Variants in SKP2 observed in about 807,000 individuals in gnomAD.
SKP2 encodes S-phase kinase associated protein 2.
A neutral mutation model predicts 51.8 loss-of-function variants in SKP2; 16 were observed. The ratio of observed to expected loss-of-function variants is 0.31; its 90% confidence interval spans 0.21 to 0.47. The LOEUF (loss-of-function observed/expected upper bound fraction) is 0.47. Among genes scored for constraint, SKP2 ranks in the 20% least tolerant of loss-of-function variants. SKP2 has a pLI of 1.00. For synonymous variants in SKP2, 176 were observed against 198.6 expected, an observed-to-expected ratio of 0.89 and a Z score of 0.96; for missense variants, 377 against 505.3, an observed-to-expected ratio of 0.75 and a Z score of 2.43.
chr5:36,173,320 A>G (rs1452206340), intron 7 of SKP2, among the ~76,000 whole-genome samples: 1 of 152,194 alleles, frequency 6.6e-6, no homozygotes, highest in African/African-American at 2.4e-5. Flanking sequence ...AGATTCTTAA[A>G]AGTGGAATTG....
At chr5:36,188,424 G>A (rs1177907610), downstream of SKP2, among the ~76,000 whole-genome samples, 2 of 152,218 alleles carry the variant, frequency 1.3e-5, no homozygotes, top group Admixed American at 6.5e-5. Flanking sequence ...GGGCAGGCCT[G>A]GTGGCGAGAA....
chr5:36,154,501 G>A (rs1273503010), intron 2 of SKP2, among the ~76,000 whole-genome samples: 1 of 152,170 alleles, frequency 6.6e-6, no homozygotes, highest in Non-Finnish European at 1.5e-5. Flanking sequence ...AGACTCAGCT[G>A]CAGGGGCATC....
intron 9 of SKP2, chr5:36,180,184 C>T (rs1279982277): frequency 5.7e-6 from 5 of 872,446 alleles, no homozygotes; most frequent in Non-Finnish European, 6.8e-6. Context: ...GAATGGCTCA[C>T]AATTTGGCTA....
In SKP2 at chr5:36,182,174, G is replaced by A; in HGVS notation, c.*143G>A. 1 of 1,424,398 alleles carries A rather than the reference G, an allele frequency of 7.0e-7. No individual in the cohort carries two copies. The highest frequency in any genetic ancestry group is 2.5e-5 in the East Asian group (1 of 39,904). The allele number at this position is 1,424,398 out of a possible 1,614,324, so 88.2% of individuals were successfully genotyped here. On this transcript the variant is annotated 3_prime_UTR_variant, in exon 10 of 10. Transcript: ENST00000274255. ...GTATACTAGGGAGCCATTTGAGAGG[G>A]AAAACTATGAAATCTTGCTTTTTGA... is the stretch of plus-strand genomic sequence containing the variant.
chr5:36,172,719 G>A (rs1745512911), intron 7 of SKP2, among the ~76,000 whole-genome samples: 2 of 152,174 alleles, frequency 1.3e-5, no homozygotes, highest in African/African-American at 4.8e-5. Flanking sequence ...CTGGTAAGAT[G>A]TATAAAGCTA....
intron 7 of SKP2, among the ~76,000 whole-genome samples, chr5:36,173,144 T>A (rs191638958): frequency 1.8e-4 from 27 of 152,238 alleles, no homozygotes; most frequent in Admixed American, 1.8e-3. Context: ...CATCAGTGGC[T>A]ATGTGATAGT....
downstream of SKP2, among the ~76,000 whole-genome samples, chr5:36,187,700 A>T (rs968118489): frequency 3.3e-5 from 5 of 152,200 alleles, no homozygotes; most frequent in Non-Finnish European, 7.3e-5. Context: ...GCTGAGAAGA[A>T]TGTATATTCT....
downstream of SKP2, among the ~76,000 whole-genome samples, chr5:36,186,871 C>A (rs915769937): frequency 6.6e-6 from 1 of 152,138 alleles, no homozygotes; most frequent in African/African-American, 2.4e-5. Flanking sequence ...TCTATCTGGT[C>A]CTCGACTTTT....
At position 36,176,955 on chromosome 5, in the gene SKP2, C is replaced by T. The variant is rs1328563711; in HGVS notation, c.902-10C>T. On this transcript the variant is annotated splice_polypyrimidine_tract_variant and intron_variant, in intron 7 of 9. Transcript: ENST00000274255. ...TAATAGTGACCATCATGTTTTTTTG[C>T]TTTTCCTAGATCTCTCTACTTTAGT... The T allele has an allele frequency of 3.8e-6, 6 of 1,568,590 alleles. No homozygotes were observed. In the Admixed American group the frequency reaches 5.3e-5, roughly 14 times the overall value.
chr5:36,163,230 T>C (rs1310893486), intron 2 of SKP2, among the ~76,000 whole-genome samples: 7 of 152,176 alleles, frequency 4.6e-5, no homozygotes, highest in Non-Finnish European at 1.0e-4. Context: ...CAATATCTTA[T>C]TGATGTCAAT....
At chr5:36,175,437 G>A (rs919993075) in intron 7 of SKP2, among the ~76,000 whole-genome samples, 4 of 152,088 alleles carry the variant, frequency 2.6e-5, no homozygotes, top group East Asian at 1.9e-4. Context: ...CTTGTGAGAC[G>A]AAAAAACCCT....
chr5:36,179,974 G>A (rs1745751991), intron 9 of SKP2, among the ~76,000 whole-genome samples: 1 of 150,868 alleles, frequency 6.6e-6, no homozygotes, highest in Admixed American at 6.6e-5. Flanking sequence ...ACTTGGAACT[G>A]GTTCTTCATC....
At position 36,191,518 on chromosome 5, in the gene SKP2, A is replaced by T. The variant is rs140294525; in HGVS notation, c.633-1103A>T. ...ACCTGCTCTTGGGCTCTTGATTCCT[A>T]ATAGACCCTATCCACAAGCTCCAGA... is the stretch of plus-strand genomic sequence containing the variant. On this transcript the variant is annotated intron_variant, in intron 6 of 7. Transcript: ENST00000677886. Among the ~76,000 whole-genome samples, 547 of 151,802 alleles carry T rather than the reference A, an allele frequency of 3.6e-3. 4 individuals are homozygous for T. The highest frequency in any genetic ancestry group is 0.013 in the African/African-American group (525 of 41,328).
downstream of SKP2, chr5:36,184,344 G>T (rs1335977414): frequency 6.2e-6 from 1 of 161,784 alleles, no homozygotes; most frequent in Non-Finnish European, 1.3e-5. Flanking sequence ...CATGTGCCAT[G>T]TTGGTGTGCT....
intron 9 of SKP2, 35 bp downstream of exon 9, chr5:36,177,327 G>A (rs1405587682): frequency 4.7e-6 from 6 of 1,286,620 alleles, no homozygotes; most frequent in Middle Eastern, 1.9e-4. Flanking sequence ...TTAATAGAAG[G>A]CAGGAAACAA....
chr5:36,166,585 T>C lies in SKP2; in HGVS notation c.459T>C (p.Gly153=). ...AAAATCTGCACCCGGATGTGACTGG[T>C]CGGTTGCTGTCTCAAGGGGTGATTG... ...TGKNLHPDVT[G]RLLSQGVIAF... The change falls in exon 4 of 10, where the codon GGT becomes GGC. Residue 153 remains glycine (G), a synonymous_variant. Transcript: ENST00000274255. 1 of 1,613,726 alleles carries C rather than the reference T, an allele frequency of 6.2e-7. No homozygotes were observed. The highest frequency in any genetic ancestry group is 8.5e-7 in the Non-Finnish European group (1 of 1,179,608).
At chr5:36,170,476 T>C (rs1322587637) in intron 6 of SKP2, 34 bp downstream of exon 6, 1 of 1,252,818 alleles carries the variant, frequency 8.0e-7, no homozygotes, top group Admixed American at 1.8e-5. Flanking sequence ...TATAGACTCT[T>C]ATGTCAAACG....
In SKP2 at chr5:36,183,176, A is replaced by G; in HGVS notation, c.*1145A>G. On this transcript the variant is annotated 3_prime_UTR_variant, in exon 10 of 10. Coordinates refer to ENST00000274255, the MANE Select transcript of SKP2 (RefSeq NM_005983.4). ...CACTACTTATACCTACATAAGAGTT[A>G]AAATCCAGATGTGGGACCTTTTGAT... 2.1e-6 allele frequency: 2 copies of G among 975,452 alleles called. No individual in the cohort carries two copies. Among genetic ancestry groups the G allele is most frequent in the Non-Finnish European group, 2.4e-6 (2 of 820,722 alleles). 60.4% of individuals were successfully genotyped at this position (975,452 alleles called of 1,614,324 possible).
intron 7 of SKP2, among the ~76,000 whole-genome samples, chr5:36,175,737 G>GT (rs1157644070): frequency 6.6e-6 from 1 of 151,510 alleles, no homozygotes; most frequent in Non-Finnish European, 1.5e-5. Context: ...AGCTATCCTA[G>GT]TATTTTTTTA....
Sources: gnomAD v4.1 joint callset for allele counts (sites outside exome capture counted in the v4.1 genomes callset) on GRCh38, gnomAD v4.1.1 for gene constraint, MANE v1.5 for transcripts, NCBI Gene and HGNC (gene_info 2026-07-23, HGNC 2026-07-21) for gene names.